The following CDC42BPA variants were observed in gnomAD, a reference collection of about 807,000 sequenced individuals.
The protein encoded by CDC42BPA is serine/threonine-protein kinase MRCK alpha.
CDC42BPA carries 80 observed loss-of-function variants against 223.5 expected under a neutral mutation model. That is an observed-to-expected ratio of 0.36 (90% CI 0.30 to 0.43). The LOEUF is 0.43. Ranked by LOEUF, CDC42BPA falls within the 20% of genes least tolerant of loss-of-function variation. The pLI is 1.00. For missense variants in CDC42BPA, 1,743 were observed against 2,099.9 expected (o/e 0.83, Z 3.32); for synonymous variants, 694 against 718.6 (o/e 0.97, Z 0.55).
At chr1:227,000,314 G>A (rs979173416) in intron 35 of CDC42BPA, among the ~76,000 whole-genome samples, 2 of 152,054 alleles carry the variant, frequency 1.3e-5, no homozygotes, top group Non-Finnish European at 2.9e-5. Context: ...GATGTGGAAC[G>A]TGTGTCTCCT....
intron 1 of CDC42BPA, among the ~76,000 whole-genome samples, chr1:227,306,681 A>G (rs1431504537): frequency 1.3e-5 from 2 of 152,210 alleles, no homozygotes; most frequent in Non-Finnish European, 2.9e-5. Flanking sequence ...TTCACTACAT[A>G]CCCGAACTTA....
intron 1 of CDC42BPA, among the ~76,000 whole-genome samples, chr1:227,270,921 T>C (rs1392499677): frequency 1.3e-5 from 2 of 152,218 alleles, no homozygotes; most frequent in African/African-American, 4.8e-5. Context: ...ACTCTTCTTA[T>C]GGCTAAATAA....
At chr1:227,276,523 C>T (rs1040626806) in intron 1 of CDC42BPA, among the ~76,000 whole-genome samples, 3 of 151,038 alleles carry the variant, frequency 2.0e-5, no homozygotes, top group East Asian at 2.0e-4. Context: ...GCAGTCACCC[C>T]GTCCGGGAGG....
At chr1:227,217,773 C>T (rs1675129878) in intron 2 of CDC42BPA, among the ~76,000 whole-genome samples, 4 of 152,300 alleles carry the variant, frequency 2.6e-5, no homozygotes, top group Admixed American at 2.6e-4. Flanking sequence ...CCCAACTAGC[C>T]TTTGCACTTG....
intron 1 of CDC42BPA, among the ~76,000 whole-genome samples, chr1:227,268,208 T>C (rs1030128751): frequency 6.6e-6 from 1 of 152,178 alleles, no homozygotes; most frequent in Non-Finnish European, 1.5e-5. Context: ...GTGTTTTTAT[T>C]GGAATAAAGC....
chr1:227,001,977 C>T lies in CDC42BPA; in HGVS notation c.4975+3017G>A, dbSNP rs533882964. Among the ~76,000 whole-genome samples, 3 of 152,110 alleles carry T rather than the reference C, an allele frequency of 2.0e-5. No individual in the cohort carries two copies. In the South Asian group the frequency reaches 6.2e-4, roughly 32 times the overall value. ...AACAAAAAACAAAACAACAACAAAA[C>T]CCAAAAAAATCCTGGAGGCCGATTT... On this transcript the variant is annotated intron_variant, in intron 35 of 36. Transcript: ENST00000366766.
At chr1:227,067,140 G>C (rs770349100) in intron 21 of CDC42BPA, among the ~76,000 whole-genome samples, 39 of 152,150 alleles carry the variant, frequency 2.6e-4, no homozygotes, top group Non-Finnish European at 4.0e-4. Context: ...TGCATTAATA[G>C]AGGGTAGAAG....
At chr1:227,305,320 T>C (rs753615581) in intron 1 of CDC42BPA, among the ~76,000 whole-genome samples, 15 of 151,548 alleles carry the variant, frequency 9.9e-5, no homozygotes, top group Non-Finnish European at 2.1e-4. Flanking sequence ...AGGCAAACAT[T>C]TTTTTATCTT....
chr1:227,025,949 C>T, intron 31 of CDC42BPA, 106 bp downstream of exon 31: 1 of 638,462 alleles, frequency 1.6e-6, no homozygotes, highest in South Asian at 1.9e-5. Context: ...CTGCCAATTA[C>T]ACATTCCAGA....
chr1:227,037,175 T>C (rs1670442499), intron 24 of CDC42BPA, among the ~76,000 whole-genome samples: 1 of 152,220 alleles, frequency 6.6e-6, no homozygotes, highest in African/African-American at 2.4e-5. Context: ...ACTGGCTAAG[T>C]TCCAAAATGA....
chr1:227,120,877 C>T (rs1688546580), intron 11 of CDC42BPA, among the ~76,000 whole-genome samples: 2 of 152,044 alleles, frequency 1.3e-5, no homozygotes, highest in South Asian at 2.1e-4. Context: ...CCCAGGAGTC[C>T]GGGAGATGGT....
At chr1:227,187,794 A>T (rs1669079997) in intron 5 of CDC42BPA, among the ~76,000 whole-genome samples, 1 of 151,362 alleles carries the variant, frequency 6.6e-6, no homozygotes, top group African/African-American at 2.4e-5. Context: ...CACCTTATGC[A>T]TAGAGGAACA....
chr1:227,191,625 A>G (rs1322324926), intron 5 of CDC42BPA, among the ~76,000 whole-genome samples: 1 of 152,184 alleles, frequency 6.6e-6, no homozygotes, highest in Non-Finnish European at 1.5e-5. Flanking sequence ...TTACATATAA[A>G]CTGGGTGAAA....
chr1:227,021,529 C>T (rs1268305832), intron 32 of CDC42BPA, among the ~76,000 whole-genome samples: 1 of 152,130 alleles, frequency 6.6e-6, no homozygotes, highest in Non-Finnish European at 1.5e-5. Flanking sequence ...GGTTCCAAGA[C>T]AATGTACCAA....
intron 1 of CDC42BPA, among the ~76,000 whole-genome samples, chr1:227,273,813 G>C (rs1686400825): frequency 6.8e-6 from 1 of 147,676 alleles, no homozygotes; most frequent in Admixed American, 6.8e-5. Context: ...AGTTCCGTAG[G>C]AATTCTCAGA....
chr1:227,093,558 C>T (rs1205937232), intron 15 of CDC42BPA, among the ~76,000 whole-genome samples: 1 of 152,098 alleles, frequency 6.6e-6, no homozygotes, highest in Non-Finnish European at 1.5e-5. Context: ...TAAATTAACC[C>T]AACAATGCCA....
chr1:227,191,417 T>C (rs1039356219), intron 5 of CDC42BPA, among the ~76,000 whole-genome samples: 5 of 151,848 alleles, frequency 3.3e-5, no homozygotes, highest in Admixed American at 3.3e-4. Flanking sequence ...TGCCCAACAA[T>C]GGAATAAATA....
At chr1:227,201,238 T>C (rs1002429057) in intron 3 of CDC42BPA, among the ~76,000 whole-genome samples, 3 of 152,090 alleles carry the variant, frequency 2.0e-5, no homozygotes, top group African/African-American at 7.2e-5. Flanking sequence ...CCCAGGCTCC[T>C]GGGCTCAAGT....
chr1:227,294,132 C>T (rs1049326147), intron 1 of CDC42BPA, among the ~76,000 whole-genome samples: 1 of 151,634 alleles, frequency 6.6e-6, no homozygotes, highest in Non-Finnish European at 1.5e-5. Flanking sequence ...ATTAGCTGGG[C>T]GTGGTGGCAG....
Sources: allele counts gnomAD v4.1 joint callset (sites outside exome capture counted in the v4.1 genomes callset), GRCh38; gene constraint gnomAD v4.1.1; transcripts MANE v1.5; gene names NCBI Gene and HGNC (gene_info 2026-07-23, HGNC 2026-07-21).